The following GPA33 variants were observed in gnomAD, a reference collection of about 807,000 sequenced individuals.
GPA33 encodes the protein glycoprotein A33, also known as cell surface A33 antigen.
A neutral mutation model predicts 35.6 loss-of-function variants in GPA33; 27 were observed. The ratio of observed to expected loss-of-function variants is 0.76; its 90% CI spans 0.56 to 1.04. The LOEUF is 1.04. Ranked by LOEUF, GPA33 falls within the 50% of genes least tolerant of loss-of-function variation. GPA33 has a pLI of 0.00. For missense variants in GPA33, 428 were observed against 411.9 expected, an observed-to-expected ratio of 1.04 and a Z score of -0.34; for synonymous variants, 176 against 164.0, an observed-to-expected ratio of 1.07 and a Z score of -0.56.
chr1:167,081,065 G>T (rs1294241944), intron 1 of GPA33, among the ~76,000 whole-genome samples: 1 of 152,210 alleles, frequency 6.6e-6, no homozygotes, highest in Non-Finnish European at 1.5e-5. Flanking sequence ...CCCTAAGGGG[G>T]TCCATATGGA....
Position 167,063,495 on chromosome 1 carries a change from G to T in GPA33, c.571+87C>A. 8.1e-6 allele frequency: 10 copies of T among 1,236,970 alleles called. No individual in the cohort carries two copies. The South Asian group carries it at 1.4e-4, about 18-fold the overall frequency. 76.6% of individuals were successfully genotyped at this position (1,236,970 alleles called of 1,614,324 possible). ...AAGCGGCCTTCAGGGGGATCTGATC[G>T]GTCAACCCAAGTTGCAGCCCCTAGC... On this transcript the variant is annotated intron_variant, in intron 4 of 6. Coordinates refer to ENST00000367868, the MANE Select transcript of GPA33 (RefSeq NM_005814.3).
chr1:167,079,312 GTGAAACC>G (rs1344943058), intron 1 of GPA33, among the ~76,000 whole-genome samples: 1 of 151,974 alleles, frequency 6.6e-6, no homozygotes, highest in South Asian at 2.1e-4. Context: ...GAGTAACAAG[GTGAAACC>G]CTGTCTCTAC....
intron 1 of GPA33, among the ~76,000 whole-genome samples, chr1:167,075,193 G>T (rs1470046553): frequency 2.0e-5 from 3 of 152,160 alleles, no homozygotes; most frequent in African/African-American, 7.2e-5. Flanking sequence ...GAGCCACCAT[G>T]CCTGGCCTGA....
At chr1:167,087,793 G>A (rs920409637) in intron 1 of GPA33, among the ~76,000 whole-genome samples, 17 of 151,970 alleles carry the variant, frequency 1.1e-4, no homozygotes, top group Admixed American at 1.0e-3. Flanking sequence ...GTGCATGCCT[G>A]TAATCCCAGC....
At chr1:167,077,405 C>T (rs1399373436) in intron 1 of GPA33, among the ~76,000 whole-genome samples, 3 of 152,186 alleles carry the variant, frequency 2.0e-5, no homozygotes, top group African/African-American at 7.2e-5. Flanking sequence ...TTCACCTCTT[C>T]TGTCCTTGCC....
intron 1 of GPA33, among the ~76,000 whole-genome samples, chr1:167,080,843 T>C (rs1442339267): frequency 1.3e-5 from 2 of 152,236 alleles, no homozygotes; most frequent in East Asian, 3.8e-4. Flanking sequence ...AAGGTCTCAA[T>C]ACGTGTTTTT....
At chr1:167,078,228 G>GC (rs1666862399) in intron 1 of GPA33, among the ~76,000 whole-genome samples, 2 of 152,134 alleles carry the variant, frequency 1.3e-5, no homozygotes, top group African/African-American at 2.4e-5. Flanking sequence ...TATAAAACCA[G>GC]CCCCCTGCTC....
chr1:167,055,691 G>A (rs1666227371), intron 5 of GPA33, 39 bp downstream of exon 5: 1 of 1,610,074 alleles, frequency 6.2e-7, no homozygotes. Flanking sequence ...CAGTTATCCT[G>A]TGGCGTTTGT....
At chr1:167,090,194 C>T in intron 1 of GPA33, 51 bp downstream of exon 1, 2 of 1,397,212 alleles carry the variant, frequency 1.4e-6, no homozygotes, top group Non-Finnish European at 2.0e-6. Flanking sequence ...AGCCCTAGGT[C>T]CCCATGTCTC....
At chr1:167,089,507 C>A (rs1294062090) in intron 1 of GPA33, among the ~76,000 whole-genome samples, 1 of 152,212 alleles carries the variant, frequency 6.6e-6, no homozygotes, top group East Asian at 1.9e-4. Flanking sequence ...CCTTCCAATG[C>A]CCAGCAAAAT....
chr1:167,089,859 C>T (rs1272378076), intron 1 of GPA33, among the ~76,000 whole-genome samples: 1 of 151,986 alleles, frequency 6.6e-6, no homozygotes, highest in Non-Finnish European at 1.5e-5. Context: ...CTGGTTTTAA[C>T]ACAAACGTTA....
chr1:167,055,631 T>C, intron 5 of GPA33, 99 bp downstream of exon 5: 1 of 1,342,058 alleles, frequency 7.5e-7, no homozygotes, highest in Non-Finnish European at 1.1e-6. Context: ...CCTAGAGAGG[T>C]TCCCCTATTC....
At chr1:167,056,526 G>A (rs955628749) in intron 4 of GPA33, among the ~76,000 whole-genome samples, 2 of 149,026 alleles carry the variant, frequency 1.3e-5, no homozygotes, top group Non-Finnish European at 1.5e-5. Flanking sequence ...TGCAGCGTGT[G>A]TGTGCTGTGC....
chr1:167,063,826 A>T, intron 3 of GPA33, 89 bp from the exon 4 acceptor site: 1 of 886,602 alleles, frequency 1.1e-6, no homozygotes, highest in Non-Finnish European at 1.7e-6. Context: ...CCCCACACAC[A>T]TATACTGCCT....
At position 167,073,414 on chromosome 1, in the gene GPA33, G is replaced by C; in HGVS notation, c.169C>G (p.Gln57Glu). The change falls in exon 2 of 7, where the codon CAA becomes GAA. Residue 57 changes from glutamine to glutamate, a missense_variant. Gln to Glu is a conservative substitution (Grantham distance 29). Coordinates refer to ENST00000367868, the MANE Select transcript of GPA33 (RefSeq NM_005814.3). ...TSTSSREGLI[Q>E]WDKLLLTHTE... ...TGAGTGAGGAGGAGCTTATCCCATT[G>C]AATAAGTCCCTCTCGACTGGAGGTG... 1 of 1,613,996 alleles carries C rather than the reference G, an allele frequency of 6.2e-7. No individual in the cohort carries two copies. The highest frequency in any genetic ancestry group is 8.5e-7 in the Non-Finnish European group (1 of 1,179,876).
rs12040348 is a variant in GPA33 at position 167,082,806 on chromosome 1, G to A, written c.43+7439C>T. 6.6e-5 allele frequency among the ~76,000 whole-genome samples: 10 copies of A among 152,292 alleles called. No individual in the cohort carries two copies. The East Asian group carries it at 1.5e-3, about 24-fold the overall frequency. On this transcript the variant is annotated intron_variant, in intron 1 of 6. Transcript: ENST00000367868. ...AAGCGTCTGTCTGTCGCCATGTTCTGCCCATGCCTGGTGTTTATGGCATCC... is the reference window on the plus strand; with the variant it reads ...AAGCGTCTGTCTGTCGCCATGTTCTACCCATGCCTGGTGTTTATGGCATCC...
chr1:167,079,644 T>G (rs934671467), intron 1 of GPA33, among the ~76,000 whole-genome samples: 8 of 152,200 alleles, frequency 5.3e-5, no homozygotes, highest in African/African-American at 1.9e-4. Context: ...GAGAAGTTAT[T>G]CCGTGTTTAA....
chr1:167,069,208 A>G (rs1666667637), intron 2 of GPA33, 70 bp from the exon 3 acceptor site: 2 of 1,027,250 alleles, frequency 1.9e-6, no homozygotes, highest in Admixed American at 3.9e-5. Context: ...GCCTGCCCTG[A>G]CTACCCTCAT....
intron 1 of GPA33, chr1:167,078,857 T>C (rs1457948345): frequency 6.6e-6 from 1 of 152,146 alleles, no homozygotes; most frequent in African/African-American, 2.4e-5. Context: ...ACGGGCCGTG[T>C]GAGAATTAAG....
Sources: allele counts gnomAD v4.1 joint callset (sites outside exome capture counted in the v4.1 genomes callset), GRCh38; gene constraint gnomAD v4.1.1; transcripts MANE v1.5; gene names NCBI Gene and HGNC (gene_info 2026-07-23, HGNC 2026-07-21).